BTG4: variants seen among roughly 807,000 people sequenced by gnomAD.
BTG4 encodes the protein BTG anti-proliferation factor 4, also known as protein BTG4.
In BTG4, 10 loss-of-function variants were observed where a neutral mutation model predicts 19.3. That is an observed-to-expected ratio of 0.52 (90% CI 0.32 to 0.88). The LOEUF (loss-of-function observed/expected upper bound fraction) is 0.88, where lower values mean the gene tolerates loss of function less well. BTG4 is among the 40% of genes least tolerant of loss of function. The probability of loss-of-function intolerance (pLI) is 0.04; values close to 1 mark genes in which losing one functional copy is unlikely to be tolerated. For missense variants in BTG4, 238 were observed against 281.9 expected (o/e 0.84, Z 1.11); for synonymous variants, 91 against 95.7 (o/e 0.95, Z 0.29).
At chr11:111,423,402 T>A in the BTG4 span, among the ~76,000 whole-genome samples, 82,027 of 152,076 alleles carry the variant, frequency 0.54, 23,606 homozygotes, top group Admixed American at 0.68. Flanking sequence ...TTGAAATAAC[T>A]CCCAGGACAG....
At chr11:111,389,436 G>A in the BTG4 span, among the ~76,000 whole-genome samples, 7 of 152,308 alleles carry the variant, frequency 4.6e-5, no homozygotes, top group East Asian at 1.9e-4. Flanking sequence ...TCTACCTGAG[G>A]CATTTGTTGG....
Position 111,498,786 on chromosome 11 carries a change from AAAAT to A in BTG4, c.-14_-11del. The A allele has an allele frequency of 6.3e-7, 1 of 1,599,342 alleles. No individual in the cohort carries two copies. Among genetic ancestry groups the A allele is most frequent in the Non-Finnish European group, 8.5e-7 (1 of 1,173,016 alleles). ...CAATTTCATCTCTCATGATTCAAGA[AAAAT>A]AGATAAGGAGGTCTGAATCATTAAA... On this transcript the variant is annotated 5_prime_UTR_variant, in exon 2 of 5. Coordinates refer to ENST00000692032, the MANE Select transcript of BTG4 (RefSeq NM_001367975.1).
intron 5 of BTG4, among the ~76,000 whole-genome samples, chr11:111,483,697 T>TA (rs1565452730): frequency 6.6e-6 from 1 of 151,680 alleles, no homozygotes; most frequent in Non-Finnish European, 1.5e-5. Context: ...GAGAAAAGAA[T>TA]AAAAAAGAAG....
At chr11:111,441,111 T>C in the BTG4 span, among the ~76,000 whole-genome samples, 1 of 100,240 alleles carries the variant, frequency 1.0e-5, no homozygotes, top group African/African-American at 3.0e-5. Context: ...GACCGCTCTC[T>C]TTTCTTTTTT....
chr11:111,440,304 T>C, the BTG4 span, among the ~76,000 whole-genome samples: 1 of 152,220 alleles, frequency 6.6e-6, no homozygotes, highest in Non-Finnish European at 1.5e-5. Flanking sequence ...TCACTTCTGC[T>C]ACATTCTATT....
chr11:111,512,594 G>A (rs1328141899), upstream of BTG4, among the ~76,000 whole-genome samples: 1 of 152,170 alleles, frequency 6.6e-6, no homozygotes, highest in Non-Finnish European at 1.5e-5. Context: ...GGCCGAGGAG[G>A]CGAAGGGGAA....
chr11:111,406,349 T>C, the BTG4 span, among the ~76,000 whole-genome samples: 1 of 152,190 alleles, frequency 6.6e-6, no homozygotes, highest in African/African-American at 2.4e-5. Flanking sequence ...GAGTCGGGGA[T>C]GAGTGGATGG....
chr11:111,435,939 C>T, the BTG4 span, among the ~76,000 whole-genome samples: 37,753 of 152,164 alleles, frequency 0.25, 5,333 homozygotes, highest in South Asian at 0.5. Context: ...TTCACCCAGG[C>T]TGAGGACCTC....
Position 111,494,928 on chromosome 11 carries a change from A to C in BTG4, c.*207T>G, listed in dbSNP as rs1468069793. 1 of 985,060 alleles carries C rather than the reference A, an allele frequency of 1.0e-6. No homozygotes were observed. Among genetic ancestry groups the C allele is most frequent in the African/African-American group, 1.7e-5 (1 of 57,238 alleles). The allele number at this position is 985,060 out of a possible 1,614,324, so 61.0% of individuals were successfully genotyped here. Reference sequence around the variant, plus strand: ...TACTGGGTACATTCACTGATGTTACATAAAACTTCATGTAAAATTAAATAA... The same window carrying C: ...TACTGGGTACATTCACTGATGTTACCTAAAACTTCATGTAAAATTAAATAA... On this transcript the variant is annotated 3_prime_UTR_variant, in exon 5 of 5. Coordinates refer to ENST00000692032, the MANE Select transcript of BTG4 (RefSeq NM_001367975.1).
At chr11:111,397,338 G>C in the BTG4 span, among the ~76,000 whole-genome samples, 4 of 152,124 alleles carry the variant, frequency 2.6e-5, no homozygotes, top group Non-Finnish European at 5.9e-5. Context: ...TCTGGGAGCT[G>C]GGATGGCTGC....
At chr11:111,482,442 T>C (rs1038751678) in intron 5 of BTG4, among the ~76,000 whole-genome samples, 16 of 152,204 alleles carry the variant, frequency 1.1e-4, no homozygotes, top group Non-Finnish European at 2.1e-4. Context: ...TTTTCATAGA[T>C]ATAGACAAGA....
intron 5 of BTG4, among the ~76,000 whole-genome samples, chr11:111,485,904 C>T (rs554476650): frequency 3.2e-4 from 49 of 152,116 alleles, no homozygotes; most frequent in Middle Eastern, 6.8e-3. Context: ...GAGAGAAGAA[C>T]CAAACAAATA....
the BTG4 span, among the ~76,000 whole-genome samples, chr11:111,419,397 C>T: frequency 6.6e-6 from 1 of 152,256 alleles, no homozygotes; most frequent in African/African-American, 2.4e-5. Context: ...CCGAACTTAA[C>T]TCTATTTTGC....
intron 1 of BTG4, among the ~76,000 whole-genome samples, chr11:111,506,518 C>CAAT (rs1361254009): frequency 6.6e-6 from 1 of 152,156 alleles, no homozygotes; most frequent in East Asian, 1.9e-4. Flanking sequence ...CTACTGGATA[C>CAAT]AATGCCTAAT....
At chr11:111,441,796 C>A in the BTG4 span, among the ~76,000 whole-genome samples, 1 of 152,138 alleles carries the variant, frequency 6.6e-6, no homozygotes, top group Non-Finnish European at 1.5e-5. Context: ...TGGTGGCTCA[C>A]GCCTGTAATC....
At chr11:111,419,766 CG>C in the BTG4 span, among the ~76,000 whole-genome samples, 2 of 152,208 alleles carry the variant, frequency 1.3e-5, no homozygotes, top group Non-Finnish European at 2.9e-5. Flanking sequence ...GGCCTGGCAG[CG>C]GGATGGCTTC....
the BTG4 span, among the ~76,000 whole-genome samples, chr11:111,459,087 C>T: frequency 1.3e-5 from 2 of 152,046 alleles, no homozygotes; most frequent in Non-Finnish European, 2.9e-5. Context: ...ACTAAAAATA[C>T]AAAAAATAGC....
At chr11:111,399,361 C>G in the BTG4 span, 1 of 152,178 alleles carries the variant, frequency 6.6e-6, no homozygotes, top group African/African-American at 2.4e-5. Context: ...ACTTCATCAT[C>G]CAGGGAGACA....
upstream of BTG4, among the ~76,000 whole-genome samples, chr11:111,512,563 C>A (rs1264024365): frequency 6.6e-6 from 1 of 151,956 alleles, no homozygotes; most frequent in African/African-American, 2.4e-5. Flanking sequence ...TGAAGCCTGG[C>A]GTGAAGGAAG....
Sources: gnomAD v4.1 joint callset for allele counts (sites outside exome capture counted in the v4.1 genomes callset) on GRCh38, gnomAD v4.1.1 for gene constraint, MANE v1.5 for transcripts, NCBI Gene and HGNC (gene_info 2026-07-23, HGNC 2026-07-21) for gene names.